The following VEPH1 variants were observed in gnomAD, a reference collection of about 807,000 sequenced individuals.
VEPH1 encodes the protein ventricular zone-expressed PH domain-containing protein homolog 1.
In VEPH1, 80 loss-of-function variants were observed where a neutral mutation model predicts 85.2. The ratio of observed to expected loss-of-function variants is 0.94; its 90% CI spans 0.78 to 1.13. The LOEUF (loss-of-function observed/expected upper bound fraction) is 1.13, where lower values mean the gene tolerates loss of function less well. VEPH1 is among the 50% of genes most tolerant of loss of function. The pLI, the probability that VEPH1 is intolerant of heterozygous loss-of-function variation, is 0.00. For synonymous variants in VEPH1, 297 were observed against 348.0 expected, an observed-to-expected ratio of 0.85 and a Z score of 1.63; for missense variants, 955 against 980.5, an observed-to-expected ratio of 0.97 and a Z score of 0.35.
At chr3:157,473,099 G>A (rs1737126149) in intron 2 of VEPH1, among the ~76,000 whole-genome samples, 1 of 117,714 alleles carries the variant, frequency 8.5e-6, no homozygotes, top group South Asian at 2.8e-4. Flanking sequence ...TTTTGATGGA[G>A]TCTCACTCTG....
intron 7 of VEPH1, among the ~76,000 whole-genome samples, chr3:157,367,734 C>T (rs1403109893): frequency 6.6e-6 from 1 of 152,148 alleles, no homozygotes; most frequent in Non-Finnish European, 1.5e-5. Flanking sequence ...TGGCCTCAAA[C>T]ATCTGGGCCC....
intron 12 of VEPH1, among the ~76,000 whole-genome samples, chr3:157,285,734 T>C (rs995132188): frequency 6.6e-6 from 1 of 152,226 alleles, no homozygotes; most frequent in Non-Finnish European, 1.5e-5. Flanking sequence ...ATTAGCAACG[T>C]GTTTCCACTG....
At chr3:157,390,846 C>T (rs952979835) in intron 6 of VEPH1, among the ~76,000 whole-genome samples, 1 of 152,252 alleles carries the variant, frequency 6.6e-6, no homozygotes, top group African/African-American at 2.4e-5. Flanking sequence ...CCTCAGGACT[C>T]CCTGAGCCAG....
At chr3:157,262,834 T>A (rs948538539) in intron 13 of VEPH1, among the ~76,000 whole-genome samples, 29 of 152,208 alleles carry the variant, frequency 1.9e-4, no homozygotes, top group African/African-American at 5.5e-4. Flanking sequence ...TTTGAAGACA[T>A]ACACACTAGA....
intron 12 of VEPH1, among the ~76,000 whole-genome samples, chr3:157,269,405 G>A (rs1487454437): frequency 6.6e-6 from 1 of 152,006 alleles, no homozygotes; most frequent in African/African-American, 2.4e-5. Flanking sequence ...ATCAGCCCTA[G>A]GGGAAAAAAA....
chr3:157,437,822 G>T lies in VEPH1; in HGVS notation c.530-9334C>A. On this transcript the variant is annotated intron_variant, in intron 4 of 13. Coordinates refer to ENST00000362010, the MANE Select transcript of VEPH1 (RefSeq NM_001167912.2). Reference sequence around the variant, plus strand: ...GCGCAGCGCCCAGAGGAGGCGGGGCGCGCCCTGGCCGCGGTGCTAGAGGAG... The same window carrying T: ...GCGCAGCGCCCAGAGGAGGCGGGGCTCGCCCTGGCCGCGGTGCTAGAGGAG... 5 of 1,465,126 alleles carry T rather than the reference G, an allele frequency of 3.4e-6. No individual in the cohort carries two copies. The South Asian group carries it at 5.4e-5, about 16-fold the overall frequency. 90.8% of individuals were successfully genotyped at this position (1,465,126 alleles called of 1,614,324 possible).
rs561939312 is a variant in VEPH1 at position 157,473,503 on chromosome 3, A to G, written c.139-2974T>C. On this transcript the variant is annotated intron_variant, in intron 2 of 13. Coordinates refer to ENST00000362010, the MANE Select transcript of VEPH1 (RefSeq NM_001167912.2). ...AGCCTTTCTGAGATCTATATATTTT[A>G]TATATCCCATGGCTTATTATGTTGG... is the stretch of plus-strand genomic sequence containing the variant. Among the ~76,000 whole-genome samples, 3 of 152,246 alleles carry G rather than the reference A, an allele frequency of 2.0e-5. No individual in the cohort carries two copies. The East Asian group carries it at 5.8e-4, about 29-fold the overall frequency.
At chr3:157,369,192 A>AAAAAAAAAAAAAAAAAAAAAAAAC (rs1553773117) in intron 7 of VEPH1, among the ~76,000 whole-genome samples, 2 of 142,702 alleles carry the variant, frequency 1.4e-5, no homozygotes. Context: ...AAAAAAAAAA[A>AAAAAAAAAAAAAAAAAAAAAAAAC]AAAAAAAAAA....
At chr3:157,264,875 G>T (rs1713415305) in intron 13 of VEPH1, among the ~76,000 whole-genome samples, 1 of 152,164 alleles carries the variant, frequency 6.6e-6, no homozygotes, top group South Asian at 2.1e-4. Context: ...AATTTGAAAA[G>T]AAGAGAAGGT....
At chr3:157,296,905 A>G (rs1019808396) in intron 11 of VEPH1, among the ~76,000 whole-genome samples, 2 of 152,228 alleles carry the variant, frequency 1.3e-5, no homozygotes, top group Non-Finnish European at 2.9e-5. Context: ...TGTCTCTTTC[A>G]GTGACTTTTT....
chr3:157,452,898 T>C (rs1372327534), intron 4 of VEPH1, among the ~76,000 whole-genome samples: 2 of 152,178 alleles, frequency 1.3e-5, no homozygotes, highest in African/African-American at 4.8e-5. Flanking sequence ...GGGTTTCTTT[T>C]GGGGATCTAC....
chr3:157,266,664 G>A (rs1287293940), intron 12 of VEPH1, among the ~76,000 whole-genome samples: 6 of 152,172 alleles, frequency 3.9e-5, no homozygotes, highest in Admixed American at 3.9e-4. Context: ...GAAGCAGAGT[G>A]TGCATGATTA....
At chr3:157,444,234 G>C (rs1734369163) in intron 4 of VEPH1, among the ~76,000 whole-genome samples, 1 of 152,184 alleles carries the variant, frequency 6.6e-6, no homozygotes, top group Non-Finnish European at 1.5e-5. Flanking sequence ...ATAGGGCATG[G>C]ACAACCACAG....
chr3:157,454,332 G>T (rs1388631266), intron 4 of VEPH1, among the ~76,000 whole-genome samples: 2 of 152,104 alleles, frequency 1.3e-5, no homozygotes, highest in Non-Finnish European at 2.9e-5. Flanking sequence ...GGAAGCACAG[G>T]TTGAGTGATA....
At chr3:157,462,011 TG>T (rs1348408275) in intron 3 of VEPH1, among the ~76,000 whole-genome samples, 5 of 149,920 alleles carry the variant, frequency 3.3e-5, no homozygotes, top group Admixed American at 3.3e-4. Flanking sequence ...TAATATGTTC[TG>T]GGTACTGGTA....
intron 4 of VEPH1, among the ~76,000 whole-genome samples, chr3:157,436,531 C>A (rs961721541): frequency 9.2e-5 from 14 of 152,164 alleles, no homozygotes; most frequent in Non-Finnish European, 1.3e-4. Context: ...TCAGTACCCT[C>A]TGAAATTTCT....
rs934507037 is a variant in VEPH1, at chr3:157,495,503, C to A, written c.-154G>T. 1 of 1,470,750 alleles carries A rather than the reference C, an allele frequency of 6.8e-7. No individual in the cohort carries two copies. Among genetic ancestry groups the A allele is most frequent in the Non-Finnish European group, 9.0e-7 (1 of 1,114,212 alleles). 91.1% of individuals were successfully genotyped at this position (1,470,750 alleles called of 1,614,324 possible). Reference sequence around the variant, plus strand: ...CCAGACTTTGAGGTCTTCATTGACACTCTCTGCAAGGGAAACAAATGACAC... The same window carrying A: ...CCAGACTTTGAGGTCTTCATTGACAATCTCTGCAAGGGAAACAAATGACAC... On this transcript the variant is annotated 5_prime_UTR_variant, in exon 2 of 14. Coordinates refer to ENST00000362010, the MANE Select transcript of VEPH1 (RefSeq NM_001167912.2).
chr3:157,412,951 C>T (rs1314420433), intron 6 of VEPH1, among the ~76,000 whole-genome samples: 3 of 152,142 alleles, frequency 2.0e-5, no homozygotes, highest in Non-Finnish European at 4.4e-5. Context: ...CTGGGTTACT[C>T]ACTCAATCTG....
chr3:157,269,642 GTT>G (rs11408861), intron 12 of VEPH1, among the ~76,000 whole-genome samples: 20 of 115,412 alleles, frequency 1.7e-4, no homozygotes, highest in South Asian at 8.7e-4. Context: ...TGTTTTTGTT[GTT>G]TTTTTTTTTT....
Sources: gnomAD v4.1 joint callset for allele counts (sites outside exome capture counted in the v4.1 genomes callset) on GRCh38, gnomAD v4.1.1 for gene constraint, MANE v1.5 for transcripts, NCBI Gene and HGNC (gene_info 2026-07-23, HGNC 2026-07-21) for gene names.